MPPED2: variants seen among roughly 807,000 people sequenced by gnomAD.
The protein encoded by MPPED2 is metallophosphoesterase domain containing 2, also known as metallophosphoesterase MPPED2.
In MPPED2, 5 loss-of-function variants were observed where a neutral mutation model predicts 33.0. The observed-to-expected ratio is 0.15, with a 90% CI of 0.08 to 0.32. MPPED2 has a LOEUF of 0.32. Ranked by LOEUF, MPPED2 falls within the 10% of genes least tolerant of loss-of-function variation. MPPED2 has a pLI of 1.00. For synonymous variants in MPPED2, 136 were observed against 141.9 expected (o/e 0.96, Z 0.29); for missense variants, 275 against 372.1 (o/e 0.74, Z 2.15).
intron 3 of MPPED2, among the ~76,000 whole-genome samples, chr11:30,499,380 C>T (rs1952448860): frequency 6.6e-6 from 1 of 152,138 alleles, no homozygotes; most frequent in South Asian, 2.1e-4. Context: ...ATCCCAAAAT[C>T]CAAAATCTGA....
At chr11:30,402,072 G>T (rs1590159749) in intron 6 of MPPED2, among the ~76,000 whole-genome samples, 1 of 152,044 alleles carries the variant, frequency 6.6e-6, no homozygotes, top group African/African-American at 2.4e-5. Context: ...TTATTTGGGG[G>T]GTTATGGAAG....
chr11:30,538,615 G>C (rs902674122), intron 2 of MPPED2, among the ~76,000 whole-genome samples: 17 of 152,126 alleles, frequency 1.1e-4, no homozygotes, highest in South Asian at 2.1e-4. Context: ...CAGCTGAGTA[G>C]AGGGGACAGT....
chr11:30,462,465 A>G (rs11031101), intron 4 of MPPED2, among the ~76,000 whole-genome samples: 35,106 of 152,142 alleles, frequency 0.23, 6,524 homozygotes, highest in African/African-American at 0.52. Context: ...GTAAAATAAT[A>G]TGAAGATACC....
At chr11:30,568,731 C>T (rs964577167) in intron 2 of MPPED2, among the ~76,000 whole-genome samples, 2 of 152,158 alleles carry the variant, frequency 1.3e-5, no homozygotes, top group Non-Finnish European at 2.9e-5. Flanking sequence ...AGCAAAACCC[C>T]TTATTTAAAG....
intron 2 of MPPED2, among the ~76,000 whole-genome samples, chr11:30,551,711 C>T (rs1955722222): frequency 6.6e-6 from 1 of 152,172 alleles, no homozygotes; most frequent in East Asian, 1.9e-4. Flanking sequence ...GACTCCCCAG[C>T]AAACTTTATG....
In MPPED2 at chr11:30,527,363, G is replaced by GT. The variant is rs1463590175; in HGVS notation, c.310+8630dup. Among the ~76,000 whole-genome samples, 15 of 141,878 alleles carry GT rather than the reference G, an allele frequency of 1.1e-4. 1 individual carries two copies. The East Asian group carries it at 2.3e-3, about 21-fold the overall frequency. The allele number at this position is 141,878 out of a possible 152,430, so 93.1% of individuals were successfully genotyped here. On this transcript the variant is annotated intron_variant, in intron 3 of 6. Coordinates refer to ENST00000358117, the MANE Select transcript of MPPED2 (RefSeq NM_001584.3). The stretch of plus-strand genomic sequence containing the variant: ...TGCCTGGAAAGTATTATGTGAAAGA[G>GT]TTGTTTTTTTTTTTTTTAATTAAAA...
chr11:30,557,214 T>TATATATATATA (rs1565181852), intron 2 of MPPED2, among the ~76,000 whole-genome samples: 1 of 137,534 alleles, frequency 7.3e-6, no homozygotes, highest in African/African-American at 3.6e-5. Flanking sequence ...ATAAGCAAAT[T>TATATATATATA]ATATATATAT....
exon 7 of MPPED2, chr11:30,384,761 C>T (rs1345868672): frequency 6.6e-6 from 1 of 152,036 alleles, no homozygotes; most frequent in Non-Finnish European, 1.5e-5. Flanking sequence ...GGCCAGGATA[C>T]CCAGGTTCTT....
intron 2 of MPPED2, among the ~76,000 whole-genome samples, chr11:30,566,446 C>A (rs775222329): frequency 2.0e-5 from 3 of 152,082 alleles, no homozygotes; most frequent in Admixed American, 6.6e-5. Context: ...CATTAGTGTA[C>A]GAGTATCAGA....
chr11:30,423,927 A>C (rs747911532), intron 4 of MPPED2, among the ~76,000 whole-genome samples: 25 of 152,282 alleles, frequency 1.6e-4, no homozygotes, highest in African/African-American at 4.8e-4. Context: ...ATGCATAGGC[A>C]AGCATTTCTA....
At chr11:30,527,751 G>A (rs1182013741) in intron 3 of MPPED2, among the ~76,000 whole-genome samples, 7 of 152,076 alleles carry the variant, frequency 4.6e-5, no homozygotes, top group Non-Finnish European at 1.0e-4. Context: ...CCAGCAGGTC[G>A]CTATGACACA....
At chr11:30,499,783 G>A (rs749210304) in intron 3 of MPPED2, among the ~76,000 whole-genome samples, 1 of 152,180 alleles carries the variant, frequency 6.6e-6, no homozygotes, top group Non-Finnish European at 1.5e-5. Context: ...TAAGCTTGCT[G>A]CTGGTGGGAC....
chr11:30,459,579 T>G (rs1950436808), intron 4 of MPPED2, among the ~76,000 whole-genome samples: 1 of 152,184 alleles, frequency 6.6e-6, no homozygotes, highest in South Asian at 2.1e-4. Flanking sequence ...AGGGGAGGCC[T>G]TGACAAGATC....
chr11:30,451,705 A>G lies in MPPED2; in HGVS notation c.537-34072T>C, dbSNP rs767329953. ...TCCTTGTGTATTTCAAAAACATTAGAGAAACTTTTGAAAGAATACAACTGT... is the reference window on the plus strand; with the variant it reads ...TCCTTGTGTATTTCAAAAACATTAGGGAAACTTTTGAAAGAATACAACTGT... On this transcript the variant is annotated intron_variant, in intron 4 of 6. Transcript: ENST00000358117. 621 of 970,320 alleles carry G rather than the reference A, an allele frequency of 6.4e-4. 1 individual carries two copies. Among genetic ancestry groups the G allele is most frequent in the Non-Finnish European group, 7.0e-4 (575 of 816,340 alleles). The allele number at this position is 970,320 out of a possible 1,614,324, so 60.1% of individuals were successfully genotyped here. A position where few individuals can be genotyped will look rare whatever the true frequency, so the allele number is the denominator to read the frequency against.
intron 4 of MPPED2, among the ~76,000 whole-genome samples, chr11:30,433,212 C>G (rs1949161870): frequency 6.6e-6 from 1 of 152,124 alleles, no homozygotes; most frequent in South Asian, 2.1e-4. Flanking sequence ...GAGAAATGTT[C>G]CTGCATTTTC....
chr11:30,549,841 A>G (rs1289167498), intron 2 of MPPED2, among the ~76,000 whole-genome samples: 3 of 152,106 alleles, frequency 2.0e-5, no homozygotes, highest in African/African-American at 7.2e-5. Flanking sequence ...GCTAAAGGGC[A>G]TTGCAATAAT....
intron 2 of MPPED2, among the ~76,000 whole-genome samples, chr11:30,549,154 T>C (rs2134607736): frequency 6.6e-6 from 1 of 152,368 alleles, no homozygotes; most frequent in East Asian, 1.9e-4. Context: ...TGTACGCATA[T>C]GCATCCCTAT....
intron 4 of MPPED2, among the ~76,000 whole-genome samples, chr11:30,423,064 T>C (rs947076409): frequency 6.6e-6 from 1 of 152,192 alleles, no homozygotes; most frequent in Non-Finnish European, 1.5e-5. Flanking sequence ...GGAAGCAAGT[T>C]AGGACGAAAT....
chr11:30,396,189 A>G (rs937210849), intron 6 of MPPED2, among the ~76,000 whole-genome samples: 1 of 152,162 alleles, frequency 6.6e-6, no homozygotes, highest in African/African-American at 2.4e-5. Flanking sequence ...GCAGGGACAT[A>G]AAGCAAAATC....
Sources: gnomAD v4.1 joint callset for allele counts (sites outside exome capture counted in the v4.1 genomes callset) on GRCh38, gnomAD v4.1.1 for gene constraint, MANE v1.5 for transcripts, NCBI Gene and HGNC (gene_info 2026-07-23, HGNC 2026-07-21) for gene names.